HSD17B7: variants seen among roughly 807,000 people sequenced by gnomAD.
HSD17B7 encodes the protein hydroxysteroid 17-beta dehydrogenase 7, also known as 3-keto-steroid reductase/17-beta-hydroxysteroid dehydrogenase 7.
A neutral mutation model predicts 34.1 loss-of-function variants in HSD17B7; 17 were observed. That is an observed-to-expected ratio of 0.50 (90% CI 0.34 to 0.75). The LOEUF (loss-of-function observed/expected upper bound fraction) is 0.75, where lower values mean the gene tolerates loss of function less well. Ranked by LOEUF, HSD17B7 falls within the 30% of genes least tolerant of loss-of-function variation. The probability of loss-of-function intolerance (pLI) is 0.01; values close to 1 mark genes in which losing one functional copy is unlikely to be tolerated. For synonymous variants in HSD17B7, 122 were observed against 154.6 expected (o/e 0.79, Z 1.56); for missense variants, 296 against 406.6 (o/e 0.73, Z 2.34).
chr1:162,801,887 C>T (rs908474817), intron 5 of HSD17B7, among the ~76,000 whole-genome samples: 1 of 152,190 alleles, frequency 6.6e-6, no homozygotes, highest in African/African-American at 2.4e-5. Flanking sequence ...ATTTAAGTCT[C>T]AATTATCAAG....
At chr1:162,801,374 T>G (rs1648808133) in intron 5 of HSD17B7, among the ~76,000 whole-genome samples, 1 of 152,162 alleles carries the variant, frequency 6.6e-6, no homozygotes, top group Admixed American at 6.5e-5. Context: ...TCCCTATGCC[T>G]CAGTTTCCTC....
intron 5 of HSD17B7, among the ~76,000 whole-genome samples, chr1:162,801,502 G>A (rs1648813360): frequency 6.6e-6 from 1 of 152,206 alleles, no homozygotes; most frequent in South Asian, 2.1e-4. Flanking sequence ...GTGAGTTTGT[G>A]TGTGCATGTG....
intron 1 of HSD17B7, among the ~76,000 whole-genome samples, chr1:162,791,693 T>C (rs1009294028): frequency 1.3e-5 from 2 of 150,156 alleles, no homozygotes; most frequent in Non-Finnish European, 3.0e-5. Context: ...GTGCTTCTTA[T>C]GTGGAAGGTA....
intron 4 of HSD17B7, chr1:162,798,137 A>G (rs1390862979): frequency 1.0e-5 from 8 of 764,990 alleles, no homozygotes; most frequent in Non-Finnish European, 1.5e-5. Flanking sequence ...TTTTTGATTT[A>G]CAGAATTACT....
intron 6 of HSD17B7, 86 bp from the exon 7 acceptor site, chr1:162,804,180 AG>A: frequency 1.1e-6 from 1 of 877,460 alleles, no homozygotes; most frequent in Non-Finnish European, 1.8e-6. Flanking sequence ...TCAGAAAGGC[AG>A]GGTTTTAAAA....
intron 8 of HSD17B7, among the ~76,000 whole-genome samples, chr1:162,806,958 T>A (rs1017929431): frequency 6.6e-6 from 1 of 152,194 alleles, no homozygotes; most frequent in Non-Finnish European, 1.5e-5. Flanking sequence ...AAGATAAATG[T>A]TATTTTCTTT....
intron 8 of HSD17B7, 66 bp downstream of exon 8, chr1:162,805,558 G>C: frequency 1.9e-6 from 3 of 1,580,530 alleles, no homozygotes; most frequent in Non-Finnish European, 2.6e-6. Context: ...CTGTGTTCCT[G>C]ACCAGCCCCT....
At chr1:162,807,977 T>C (rs1190528199) in intron 8 of HSD17B7, among the ~76,000 whole-genome samples, 3 of 152,228 alleles carry the variant, frequency 2.0e-5, no homozygotes, top group African/African-American at 7.2e-5. Flanking sequence ...TTTAATTAGA[T>C]CCCATTTGTC....
chr1:162,802,253 G>A (rs1648837608), intron 5 of HSD17B7, among the ~76,000 whole-genome samples: 1 of 152,172 alleles, frequency 6.6e-6, no homozygotes, highest in Non-Finnish European at 1.5e-5. Context: ...CTCAACATCA[G>A]AAAATTGTAT....
chr1:162,805,006 T>G (rs1263252354), intron 7 of HSD17B7, among the ~76,000 whole-genome samples: 2 of 152,336 alleles, frequency 1.3e-5, no homozygotes, highest in East Asian at 3.9e-4. Context: ...GTCTCCCTCA[T>G]TCCATTGAAC....
At chr1:162,791,550 G>A (rs986705841) in intron 1 of HSD17B7, among the ~76,000 whole-genome samples, 9 of 59,116 alleles carry the variant, frequency 1.5e-4, no homozygotes, top group Non-Finnish European at 2.6e-4. Flanking sequence ...TAAGACAGAG[G>A]ACATGTTAAA....
chr1:162,796,187 T>G (rs1298179285), intron 2 of HSD17B7, among the ~76,000 whole-genome samples: 1 of 152,206 alleles, frequency 6.6e-6, no homozygotes, highest in African/African-American at 2.4e-5. Context: ...GTGGATTTTT[T>G]TTTTAAAGCA....
intron 4 of HSD17B7, 98 bp from the exon 5 acceptor site, chr1:162,799,645 T>G: frequency 1.4e-6 from 1 of 712,280 alleles, no homozygotes; most frequent in Non-Finnish European, 2.4e-6. Flanking sequence ...TACTGATGTC[T>G]CTGACCCTAA....
rs1328303689 is a variant in HSD17B7, at chr1:162,790,753, A to T, written c.-48A>T. ...GGCCCGAAATCGTAGGACTTCCGAA[A>T]GCAGCGGCGGTGTTTGCTTCACTGC... On this transcript the variant is annotated 5_prime_UTR_variant, in exon 1 of 9. It adds an upstream start codon to the 5' untranslated region. Coordinates refer to ENST00000254521, the MANE Select transcript of HSD17B7 (RefSeq NM_016371.4). 8.1e-7 allele frequency: 1 copy of T among 1,241,144 alleles called. No individual in the cohort carries two copies. Among genetic ancestry groups the T allele is most frequent in the Non-Finnish European group, 1.2e-6 (1 of 853,312 alleles). The allele number at this position is 1,241,144 out of a possible 1,614,324, so 76.9% of individuals were successfully genotyped here. A position where few individuals can be genotyped will look rare whatever the true frequency, so the allele number is the denominator to read the frequency against.
At chr1:162,807,522 A>G (rs1197305937) in intron 8 of HSD17B7, among the ~76,000 whole-genome samples, 3 of 152,140 alleles carry the variant, frequency 2.0e-5, no homozygotes, top group Admixed American at 2.0e-4. Flanking sequence ...TGGTATTTCT[A>G]GTTCTAGATC....
intron 8 of HSD17B7, 39 bp downstream of exon 8, chr1:162,805,531 G>A (rs781060477): frequency 6.2e-7 from 1 of 1,603,224 alleles, no homozygotes; most frequent in Non-Finnish European, 8.5e-7. Context: ...GTTTGCTGTT[G>A]GGTTGATGAA....
At chr1:162,799,284 A>G (rs1344037380) in intron 4 of HSD17B7, among the ~76,000 whole-genome samples, 7 of 152,102 alleles carry the variant, frequency 4.6e-5, no homozygotes, top group Non-Finnish European at 1.0e-4. Flanking sequence ...TGGCTCCTGT[A>G]TCTCTTTGGC....
Position 162,796,813 on chromosome 1 carries a change from G to A in HSD17B7, c.332+136G>A, listed in dbSNP as rs1033307982. On this transcript the variant is annotated intron_variant, in intron 3 of 8. Transcript: ENST00000254521. Reference sequence around the variant, plus strand: ...GTTGAAGACAGAAAAAGGAGATGTCGCAACCATATCATGAAAGAAAAGCAA... The same window carrying A: ...GTTGAAGACAGAAAAAGGAGATGTCACAACCATATCATGAAAGAAAAGCAA... The A allele has an allele frequency of 3.4e-5, 22 of 643,598 alleles. 1 individual carries two copies. Among genetic ancestry groups the A allele is most frequent in the African/African-American group, 1.6e-4 (9 of 55,034 alleles). 39.9% of individuals were successfully genotyped at this position (643,598 alleles called of 1,614,324 possible).
At chr1:162,811,278 C>G (rs184266980) in intron 8 of HSD17B7, among the ~76,000 whole-genome samples, 6 of 152,284 alleles carry the variant, frequency 3.9e-5, no homozygotes, top group African/African-American at 1.4e-4. Context: ...ATATCGGCCC[C>G]CACTCTCTTC....
Sources: gnomAD v4.1 joint callset for allele counts (sites outside exome capture counted in the v4.1 genomes callset) on GRCh38, gnomAD v4.1.1 for gene constraint, MANE v1.5 for transcripts, NCBI Gene and HGNC (gene_info 2026-07-23, HGNC 2026-07-21) for gene names.